BNC2: variants seen among roughly 807,000 people sequenced by gnomAD.
The protein encoded by BNC2 is basonuclin zinc finger protein 2, also known as zinc finger protein basonuclin-2.
BNC2 carries 20 observed loss-of-function variants against 76.3 expected under a neutral mutation model. That is an observed-to-expected ratio of 0.26 (90% CI 0.18 to 0.38). BNC2 has a LOEUF of 0.38. BNC2 is among the 10% of genes least tolerant of loss of function. The probability of loss-of-function intolerance (pLI) is 1.00; values close to 1 mark genes in which losing one functional copy is unlikely to be tolerated. For missense variants in BNC2, 1,382 were observed against 1,399.8 expected (o/e 0.99, Z 0.20); for synonymous variants, 582 against 514.8 (o/e 1.13, Z -1.77).
At position 16,412,219 on chromosome 9, in the gene BNC2, T is replaced by G. The variant is rs908534545; in HGVS notation, c.*6770A>C. ...AAGCCTGACGCCATCTTTTTTAGAT[T>G]GTCAGTCCAGTTTGACAAAAGTTAA... is the stretch of plus-strand genomic sequence containing the variant. On this transcript the variant is annotated 3_prime_UTR_variant, in exon 7 of 7. Transcript: ENST00000380672. 1 of 152,654 alleles carries G rather than the reference T, an allele frequency of 6.6e-6. No homozygotes were observed. Among genetic ancestry groups the G allele is most frequent in the African/African-American group, 2.4e-5 (1 of 41,464 alleles). The allele number at this position is 152,654 out of a possible 1,614,324, so 9.5% of individuals were successfully genotyped here.
At chr9:16,546,794 C>A (rs956314372) in intron 5 of BNC2, among the ~76,000 whole-genome samples, 3 of 152,170 alleles carry the variant, frequency 2.0e-5, no homozygotes, top group Admixed American at 1.3e-4. Context: ...ACTGCATCTA[C>A]AGACTCTCAC....
At chr9:16,725,131 G>A (rs1438821484) in intron 3 of BNC2, among the ~76,000 whole-genome samples, 2 of 151,932 alleles carry the variant, frequency 1.3e-5, no homozygotes, top group East Asian at 1.9e-4. Context: ...AAAAACTAGC[G>A]TAACTGTATA....
intron 3 of BNC2, among the ~76,000 whole-genome samples, chr9:16,642,909 T>C (rs992775165): frequency 1.3e-5 from 2 of 152,170 alleles, no homozygotes; most frequent in African/African-American, 4.8e-5. Flanking sequence ...TTACTCTTGC[T>C]CTAAAAATGT....
intron 3 of BNC2, chr9:16,625,601 C>G (rs1820971699): frequency 6.6e-6 from 1 of 152,338 alleles, no homozygotes; most frequent in South Asian, 2.1e-4. Context: ...TTAAAAACTG[C>G]ACAGCCGGCT....
At chr9:16,439,382 G>A (rs1015513621) in intron 5 of BNC2, among the ~76,000 whole-genome samples, 5 of 152,148 alleles carry the variant, frequency 3.3e-5, no homozygotes, top group African/African-American at 1.2e-4. Flanking sequence ...AAAAAATGAA[G>A]AATGGTTCCA....
intron 3 of BNC2, among the ~76,000 whole-genome samples, chr9:16,688,158 C>G (rs533761291): frequency 3.9e-5 from 6 of 152,174 alleles, no homozygotes; most frequent in African/African-American, 1.4e-4. Context: ...ATACACCACA[C>G]TCTCACCCCA....
intron 1 of BNC2, among the ~76,000 whole-genome samples, chr9:16,749,002 G>C (rs574441247): frequency 5.4e-5 from 8 of 148,370 alleles, no homozygotes; most frequent in African/African-American, 2.0e-4. Context: ...GAAAACCAAA[G>C]AGAGTTTTGG....
chr9:16,683,314 G>A (rs2134321099), intron 3 of BNC2, among the ~76,000 whole-genome samples: 1 of 152,272 alleles, frequency 6.6e-6, no homozygotes, highest in African/African-American at 2.4e-5. Context: ...GAGAACTTAC[G>A]TCAGCTAAAA....
chr9:16,502,059 T>A (rs1822529907), intron 5 of BNC2, among the ~76,000 whole-genome samples: 1 of 152,176 alleles, frequency 6.6e-6, no homozygotes, highest in African/African-American at 2.4e-5. Flanking sequence ...AACATATCCT[T>A]TTTTTGGTTG....
intron 5 of BNC2, among the ~76,000 whole-genome samples, chr9:16,515,742 AC>A (rs767655925): frequency 5.2e-4 from 78 of 150,448 alleles, no homozygotes; most frequent in African/African-American, 1.9e-3. Flanking sequence ...TTTAAAAAAA[AC>A]CTCTGAAAAA....
At chr9:16,550,552 T>C (rs1483289825) in intron 5 of BNC2, among the ~76,000 whole-genome samples, 6 of 152,224 alleles carry the variant, frequency 3.9e-5, no homozygotes, top group African/African-American at 1.4e-4. Flanking sequence ...TATCAGGCTT[T>C]ATGTTTACTC....
At chr9:16,794,742 T>C (rs955351333) in intron 1 of BNC2, among the ~76,000 whole-genome samples, 18 of 152,166 alleles carry the variant, frequency 1.2e-4, no homozygotes, top group African/African-American at 4.1e-4. Context: ...AAATTAACCA[T>C]ATTAGTTCTC....
At chr9:16,523,337 G>A (rs375851675) in intron 5 of BNC2, among the ~76,000 whole-genome samples, 4 of 151,900 alleles carry the variant, frequency 2.6e-5, no homozygotes, top group African/African-American at 9.7e-5. Context: ...CGGGCAGGGT[G>A]GCAGGCGCCT....
At chr9:16,564,173 T>A (rs1324464253) in intron 4 of BNC2, among the ~76,000 whole-genome samples, 1 of 152,004 alleles carries the variant, frequency 6.6e-6, no homozygotes, top group Non-Finnish European at 1.5e-5. Flanking sequence ...AAAGACAGAG[T>A]CTCTAGGGCC....
At chr9:16,560,464 T>A (rs1421958527) in intron 4 of BNC2, among the ~76,000 whole-genome samples, 1 of 152,108 alleles carries the variant, frequency 6.6e-6, no homozygotes, top group Non-Finnish European at 1.5e-5. Context: ...GAAATCTCAA[T>A]GCTTTGGGAG....
intron 1 of BNC2, among the ~76,000 whole-genome samples, chr9:16,752,104 G>A (rs1280380980): frequency 6.6e-6 from 1 of 152,084 alleles, no homozygotes; most frequent in Non-Finnish European, 1.5e-5. Context: ...GCTGAAGACT[G>A]TTCTAATAAT....
chr9:16,431,052 C>A (rs1424520874), intron 6 of BNC2, among the ~76,000 whole-genome samples: 2 of 152,088 alleles, frequency 1.3e-5, no homozygotes, highest in Non-Finnish European at 2.9e-5. Context: ...GGCCACTACT[C>A]TGAGAAGAAG....
chr9:16,603,458 C>T (rs956864564), intron 3 of BNC2, among the ~76,000 whole-genome samples: 3 of 152,104 alleles, frequency 2.0e-5, no homozygotes, highest in Non-Finnish European at 4.4e-5. Context: ...TCAGGTTCAC[C>T]CTAACATCAC....
chr9:16,793,828 T>A (rs900328275), intron 1 of BNC2, among the ~76,000 whole-genome samples: 1 of 150,220 alleles, frequency 6.7e-6, no homozygotes, highest in African/African-American at 2.4e-5. Flanking sequence ...CCCGCCACCA[T>A]GCCCAGCTAG....
Sources: gnomAD v4.1 joint callset for allele counts (sites outside exome capture counted in the v4.1 genomes callset) on GRCh38, gnomAD v4.1.1 for gene constraint, MANE v1.5 for transcripts, NCBI Gene and HGNC (gene_info 2026-07-23, HGNC 2026-07-21) for gene names.